The following MYO16 variants were observed in gnomAD, a reference collection of about 807,000 sequenced individuals.
The protein encoded by MYO16 is myosin XVI, also known as unconventional myosin-XVI.
In MYO16, 94 loss-of-function variants were observed where a neutral mutation model predicts 205.3. The ratio of observed to expected loss-of-function variants is 0.46; its 90% CI spans 0.39 to 0.54. The LOEUF is 0.54. Ranked by LOEUF, MYO16 falls within the 20% of genes least tolerant of loss-of-function variation. The pLI is 0.00. For synonymous variants in MYO16, 988 were observed against 954.0 expected (o/e 1.04, Z -0.66); for missense variants, 2,315 against 2,387.5 (o/e 0.97, Z 0.63).
At chr13:108,610,384 A>G (rs1879127985) in intron 1 of MYO16, among the ~76,000 whole-genome samples, 1 of 152,108 alleles carries the variant, frequency 6.6e-6, no homozygotes, top group Admixed American at 6.5e-5. Context: ...GCTGCACTAG[A>G]CATTTTTTCT....
At chr13:108,733,162 G>A (rs894020658) in intron 4 of MYO16, among the ~76,000 whole-genome samples, 7 of 152,252 alleles carry the variant, frequency 4.6e-5, no homozygotes, top group South Asian at 2.1e-4. Context: ...AGGGGGCATC[G>A]TCTACCTAAC....
At chr13:109,010,093 G>C (rs1043600392) in intron 22 of MYO16, among the ~76,000 whole-genome samples, 1 of 152,136 alleles carries the variant, frequency 6.6e-6, no homozygotes, top group African/African-American at 2.4e-5. Flanking sequence ...GGCCCTGAGG[G>C]GAGGGGTTGA....
intron 4 of MYO16, among the ~76,000 whole-genome samples, chr13:108,731,769 T>TAAG (rs1370396046): frequency 6.6e-6 from 1 of 152,232 alleles, no homozygotes; most frequent in African/African-American, 2.4e-5. Context: ...TGTGTGAACA[T>TAAG]AAGGCCTGCC....
chr13:109,161,995 A>C (rs1041534246), intron 32 of MYO16, among the ~76,000 whole-genome samples: 1 of 152,194 alleles, frequency 6.6e-6, no homozygotes, highest in Non-Finnish European at 1.5e-5. Flanking sequence ...AGGCTGAGGC[A>C]GGAGAATCTC....
Position 109,118,114 on chromosome 13 carries a change from G to T in MYO16, c.3439-2256G>T, listed in dbSNP as rs575877222. ...TGGGAAATTCCTGCTTATCCCTCAAGACCAAATGGCTTAGAAAACATGCTT... is the reference window on the plus strand; with the variant it reads ...TGGGAAATTCCTGCTTATCCCTCAATACCAAATGGCTTAGAAAACATGCTT... On this transcript the variant is annotated intron_variant, in intron 28 of 34. Coordinates refer to ENST00000457511, the MANE Select transcript of MYO16 (RefSeq NM_001198950.3). Among the ~76,000 whole-genome samples the T allele has an allele frequency of 3.9e-5, 6 of 152,212 alleles. No homozygotes were observed. In the South Asian group the frequency reaches 1.2e-3, roughly 32 times the overall value.
chr13:108,526,186 G>A, the MYO16 span, among the ~76,000 whole-genome samples: 1 of 152,072 alleles, frequency 6.6e-6, no homozygotes, highest in African/African-American at 2.4e-5. Flanking sequence ...GTTTGTTACA[G>A]ATACTATATC....
intron 27 of MYO16, among the ~76,000 whole-genome samples, chr13:109,073,475 A>C (rs1887992166): frequency 6.6e-6 from 1 of 152,098 alleles, no homozygotes; most frequent in Non-Finnish European, 1.5e-5. Context: ...TGAAGAAAAA[A>C]TGAATTCCTT....
intron 31 of MYO16, among the ~76,000 whole-genome samples, chr13:109,138,280 C>G (rs967798054): frequency 6.6e-6 from 1 of 152,122 alleles, no homozygotes; most frequent in African/African-American, 2.4e-5. Context: ...GCAGATGTGC[C>G]CCTATCAAGA....
At chr13:108,841,257 A>G (rs1877225150) in intron 9 of MYO16, among the ~76,000 whole-genome samples, 1 of 152,226 alleles carries the variant, frequency 6.6e-6, no homozygotes, top group Admixed American at 6.5e-5. Flanking sequence ...TCCCAAAGTA[A>G]ACCCACACAG....
chr13:108,742,050 T>A (rs1209019477), intron 4 of MYO16, among the ~76,000 whole-genome samples: 1 of 152,196 alleles, frequency 6.6e-6, no homozygotes, highest in African/African-American at 2.4e-5. Context: ...TGGAGTGCAG[T>A]AGCATGATCT....
intron 16 of MYO16, among the ~76,000 whole-genome samples, chr13:108,920,759 A>G (rs924926305): frequency 6.6e-6 from 1 of 152,216 alleles, no homozygotes; most frequent in Non-Finnish European, 1.5e-5. Flanking sequence ...ATGCCCAGCC[A>G]TCTGTCTCTG....
chr13:108,601,486 T>A (rs1878760750), intron 1 of MYO16, among the ~76,000 whole-genome samples: 1 of 152,186 alleles, frequency 6.6e-6, no homozygotes, highest in Non-Finnish European at 1.5e-5. Context: ...ATGAATTATA[T>A]GGTCATCTAA....
At chr13:108,960,826 C>A (rs1182574423) in intron 17 of MYO16, among the ~76,000 whole-genome samples, 1 of 152,142 alleles carries the variant, frequency 6.6e-6, no homozygotes, top group Non-Finnish European at 1.5e-5. Flanking sequence ...TATCCAAAAT[C>A]AAATTTAAGG....
At chr13:109,048,371 T>C in intron 24 of MYO16, 1 of 760,266 alleles carries the variant, frequency 1.3e-6, no homozygotes, top group Non-Finnish European at 2.4e-6. Context: ...GGACAGAATT[T>C]ACAATGTACC....
At chr13:108,965,830 A>G (rs1158369707) in intron 20 of MYO16, among the ~76,000 whole-genome samples, 1 of 152,226 alleles carries the variant, frequency 6.6e-6, no homozygotes, top group Non-Finnish European at 1.5e-5. Context: ...CCTTGAGCAG[A>G]CAATTGAGAG....
chr13:109,145,477 A>G (rs1287485857), intron 32 of MYO16, among the ~76,000 whole-genome samples: 1 of 152,226 alleles, frequency 6.6e-6, no homozygotes, highest in Non-Finnish European at 1.5e-5. Flanking sequence ...AAGAATGCCA[A>G]ATGAACTTTA....
At chr13:109,144,540 T>C (rs1408374291) in intron 32 of MYO16, among the ~76,000 whole-genome samples, 1 of 152,262 alleles carries the variant, frequency 6.6e-6, no homozygotes, top group Non-Finnish European at 1.5e-5. Flanking sequence ...TTCTTCTGAA[T>C]GAATTCAATG....
chr13:108,670,739 G>T (rs1290473369), intron 2 of MYO16, among the ~76,000 whole-genome samples: 1 of 152,160 alleles, frequency 6.6e-6, no homozygotes, highest in Non-Finnish European at 1.5e-5. Context: ...GACATGAAGA[G>T]TTTCCCATCC....
the MYO16 span, among the ~76,000 whole-genome samples, chr13:108,510,468 T>TTTTG: frequency 1.6e-5 from 1 of 62,782 alleles, no homozygotes; most frequent in Non-Finnish European, 3.9e-5. Flanking sequence ...GCTGTTTTTT[T>TTTTG]TTTTTTTTTT....
Sources: gnomAD v4.1 joint callset for allele counts (sites outside exome capture counted in the v4.1 genomes callset) on GRCh38, gnomAD v4.1.1 for gene constraint, MANE v1.5 for transcripts, NCBI Gene and HGNC (gene_info 2026-07-23, HGNC 2026-07-21) for gene names.